Variants in GRIK4 observed in about 807,000 individuals in gnomAD.
GRIK4 encodes glutamate receptor ionotropic, kainate 4.
GRIK4 carries 40 observed loss-of-function variants against 104.9 expected under a neutral mutation model. The ratio of observed to expected loss-of-function variants is 0.38; its 90% CI spans 0.30 to 0.50. The LOEUF is 0.50. Among genes scored for constraint, GRIK4 ranks in the 20% least tolerant of loss-of-function variants. The pLI is 0.93. For missense variants in GRIK4, 1,047 were observed against 1,308.1 expected, an observed-to-expected ratio of 0.80 and a Z score of 3.08; for synonymous variants, 485 against 524.9, an observed-to-expected ratio of 0.92 and a Z score of 1.04.
chr11:120,604,339 G>A lies in GRIK4; in HGVS notation c.-158-49346G>A, dbSNP rs374862119. On this transcript the variant is annotated intron_variant, in intron 1 of 20. Transcript: ENST00000527524. ...TCTGTTAGCAGGTGGTACCCCCTGG[G>A]CATCGCATTGCTTTTCCTATCTCAG... is the stretch of plus-strand genomic sequence containing the variant. 2.9e-3 allele frequency among the ~76,000 whole-genome samples: 437 copies of A among 152,292 alleles called. 1 individual carries two copies. The highest frequency in any genetic ancestry group is 9.8e-3 in the African/African-American group (407 of 41,556).
intron 1 of GRIK4, among the ~76,000 whole-genome samples, chr11:120,621,089 C>T (rs1949182130): frequency 3.3e-5 from 5 of 152,196 alleles, no homozygotes; most frequent in Admixed American, 3.3e-4. Flanking sequence ...GACTCGTGTA[C>T]CCTGGTCACA....
chr11:120,512,634 T>G (rs1947677319), intron 1 of GRIK4, among the ~76,000 whole-genome samples: 1 of 134,804 alleles, frequency 7.4e-6, no homozygotes, highest in Non-Finnish European at 1.6e-5. Context: ...GGGCGCGTGA[T>G]GGGGGAGGGG....
intron 4 of GRIK4, among the ~76,000 whole-genome samples, chr11:120,814,485 A>C (rs560361293): frequency 3.6e-4 from 55 of 152,186 alleles, no homozygotes; most frequent in Non-Finnish European, 7.3e-4. Context: ...CTGTAATCCC[A>C]GTTACTCCTG....
chr11:120,531,889 T>C (rs1947927683), intron 1 of GRIK4, among the ~76,000 whole-genome samples: 1 of 152,174 alleles, frequency 6.6e-6, no homozygotes, highest in Non-Finnish European at 1.5e-5. Flanking sequence ...CTGTTTCTCT[T>C]AGCACCTTGC....
At chr11:120,960,577 A>G (rs1471074237) in intron 16 of GRIK4, among the ~76,000 whole-genome samples, 1 of 152,186 alleles carries the variant, frequency 6.6e-6, no homozygotes, top group Non-Finnish European at 1.5e-5. Flanking sequence ...TGGAGCTGGC[A>G]CCCGCAGCTC....
At chr11:120,566,705 AG>A (rs1375242124) in intron 1 of GRIK4, among the ~76,000 whole-genome samples, 2 of 139,500 alleles carry the variant, frequency 1.4e-5, no homozygotes, top group Admixed American at 7.3e-5. Flanking sequence ...TTATACCCTC[AG>A]TTTTTTTTTT....
At chr11:120,844,588 G>A (rs1406727040) in intron 8 of GRIK4, among the ~76,000 whole-genome samples, 1 of 152,116 alleles carries the variant, frequency 6.6e-6, no homozygotes, top group African/African-American at 2.4e-5. Context: ...GATCCCACAG[G>A]AATTCAGTTC....
chr11:120,826,553 C>T (rs1953265042), intron 6 of GRIK4, among the ~76,000 whole-genome samples: 1 of 152,214 alleles, frequency 6.6e-6, no homozygotes, highest in Non-Finnish European at 1.5e-5. Context: ...TCTACCAGGT[C>T]CCAGTAGCTG....
At chr11:120,976,201 C>T (rs1944558523) in intron 19 of GRIK4, among the ~76,000 whole-genome samples, 1 of 152,134 alleles carries the variant, frequency 6.6e-6, no homozygotes, top group Non-Finnish European at 1.5e-5. Flanking sequence ...AAATGAGGCA[C>T]TTGAGCTCAT....
chr11:120,706,308 T>G (rs772514752), intron 3 of GRIK4, among the ~76,000 whole-genome samples: 55 of 152,248 alleles, frequency 3.6e-4, no homozygotes, highest in Non-Finnish European at 7.9e-4. Context: ...TTTCTTGTCT[T>G]GTCTTTGTTT....
chr11:120,778,650 A>G (rs975595401), intron 3 of GRIK4, among the ~76,000 whole-genome samples: 2 of 152,212 alleles, frequency 1.3e-5, no homozygotes, highest in African/African-American at 4.8e-5. Flanking sequence ...TAGATTACCC[A>G]GTTCTGGATG....
intron 2 of GRIK4, among the ~76,000 whole-genome samples, chr11:120,658,882 G>A (rs1354328801): frequency 6.6e-6 from 1 of 151,648 alleles, no homozygotes; most frequent in Admixed American, 6.6e-5. Flanking sequence ...CCGAGCAGCT[G>A]GGACTATAGG....
At chr11:120,973,196 G>A (rs1448895009) in intron 19 of GRIK4, among the ~76,000 whole-genome samples, 1 of 152,202 alleles carries the variant, frequency 6.6e-6, no homozygotes, top group Non-Finnish European at 1.5e-5. Flanking sequence ...TGTTGCAGTT[G>A]TTGGCCTTGG....
chr11:120,870,025 C>T (rs1190311742), intron 9 of GRIK4: 1 of 152,254 alleles, frequency 6.6e-6, no homozygotes, highest in Non-Finnish European at 1.5e-5. Flanking sequence ...GTCCAAGCAT[C>T]CCAACCAGAC....
chr11:120,710,997 T>TGGCGG (rs1555046761), intron 3 of GRIK4, among the ~76,000 whole-genome samples: 5 of 124,864 alleles, frequency 4.0e-5, no homozygotes, highest in South Asian at 5.4e-4. Flanking sequence ...CCCTGTGAGG[T>TGGCGG]GGGGAGGGGG....
chr11:120,693,652 G>A (rs1309113798), intron 3 of GRIK4, among the ~76,000 whole-genome samples: 1 of 152,182 alleles, frequency 6.6e-6, no homozygotes, highest in East Asian at 1.9e-4. Flanking sequence ...AGGTAAGGAG[G>A]CCTGGACCTC....
chr11:120,514,624 C>G (rs1390231404), intron 1 of GRIK4, among the ~76,000 whole-genome samples: 1 of 152,158 alleles, frequency 6.6e-6, no homozygotes, highest in Non-Finnish European at 1.5e-5. Flanking sequence ...GCTCTGTAGT[C>G]TCCTCAGCCT....
intron 3 of GRIK4, among the ~76,000 whole-genome samples, chr11:120,720,978 TATTC>T (rs35714376): frequency 0.55 from 82,528 of 150,564 alleles, 23,332 homozygotes; most frequent in South Asian, 0.62. Context: ...TTCATTCACG[TATTC>T]ATTCATTCAT....
chr11:120,916,392 A>G (rs1362353089), intron 13 of GRIK4, among the ~76,000 whole-genome samples: 1 of 152,276 alleles, frequency 6.6e-6, no homozygotes, highest in Non-Finnish European at 1.5e-5. Context: ...AGGTAGGGGC[A>G]GAAATGACTT....
Sources: allele counts gnomAD v4.1 joint callset (sites outside exome capture counted in the v4.1 genomes callset), GRCh38; gene constraint gnomAD v4.1.1; transcripts MANE v1.5; gene names NCBI Gene and HGNC (gene_info 2026-07-23, HGNC 2026-07-21).